The following LRIG1 variants were observed in gnomAD, a reference collection of about 807,000 sequenced individuals.
The protein encoded by LRIG1 is leucine rich repeats and immunoglobulin like domains 1.
In LRIG1, 48 loss-of-function variants were observed where a neutral mutation model predicts 99.2. The ratio of observed to expected loss-of-function variants is 0.48; its 90% CI spans 0.38 to 0.62. LRIG1 has a LOEUF of 0.62. Ranked by LOEUF, LRIG1 falls within the 20% of genes least tolerant of loss-of-function variation. The pLI is 0.00. For missense variants in LRIG1, 1,646 were observed against 1,434.4 expected (o/e 1.15, Z -2.38); for synonymous variants, 772 against 596.1 (o/e 1.29, Z -4.30).
chr3:66,472,653 A>G (rs565228258), intron 1 of LRIG1, among the ~76,000 whole-genome samples: 6 of 152,236 alleles, frequency 3.9e-5, no homozygotes, highest in Admixed American at 6.5e-5. Flanking sequence ...CCTTTCCGGC[A>G]GAAGGTACAA....
intron 1 of LRIG1, among the ~76,000 whole-genome samples, chr3:66,476,994 T>C (rs192118205): frequency 1.3e-5 from 2 of 152,368 alleles, no homozygotes; most frequent in Non-Finnish European, 2.9e-5. Context: ...CAGGCATTCC[T>C]ATCTCTGCTT....
chr3:66,496,032 G>T (rs374301475), intron 1 of LRIG1, among the ~76,000 whole-genome samples: 9 of 152,194 alleles, frequency 5.9e-5, no homozygotes, highest in African/African-American at 1.9e-4. Flanking sequence ...GGGGAGATGG[G>T]ACATGAGGAC....
At chr3:66,423,717 A>G (rs1194108470) in intron 3 of LRIG1, among the ~76,000 whole-genome samples, 1 of 152,232 alleles carries the variant, frequency 6.6e-6, no homozygotes, top group African/African-American at 2.4e-5. Context: ...GGAACATGGC[A>G]CAGCACTGTG....
intron 7 of LRIG1, among the ~76,000 whole-genome samples, chr3:66,408,546 C>T (rs867470496): frequency 6.6e-6 from 1 of 152,074 alleles, no homozygotes; most frequent in Non-Finnish European, 1.5e-5. Flanking sequence ...GAGGGGATCC[C>T]GGACCCCGCA....
chr3:66,384,074 T>G lies in LRIG1; in HGVS notation c.1988A>C (p.Lys663Thr). ...GCTGTAAACCCCTGCGTCATCTATT[T>G]TCACATCAGTGATGAAAAACACGTC... is the stretch of plus-strand genomic sequence containing the variant. ...DDDVFFITDV[K>T]IDDAGVYSCT... is the part of the protein sequence containing the mutation. Residue 663 changes from lysine (K) to threonine (T), a missense_variant, in exon 14 of 19, where the codon AAA becomes ACA. Lys to Thr is a moderately conservative substitution (Grantham distance 78). Transcript: ENST00000273261. 1 of 1,614,150 alleles carries G rather than the reference T, an allele frequency of 6.2e-7. No homozygotes were observed. Among genetic ancestry groups the G allele is most frequent in the South Asian group, 1.1e-5 (1 of 91,074 alleles).
intron 6 of LRIG1, among the ~76,000 whole-genome samples, chr3:66,412,620 GGA>G (rs900606563): frequency 8.5e-5 from 13 of 152,362 alleles, no homozygotes; most frequent in African/African-American, 1.7e-4. Flanking sequence ...GAATCCTTCA[GGA>G]GAGAGGGGCT....
chr3:66,413,066 C>T (rs1446322814), intron 5 of LRIG1, 52 bp from the exon 6 acceptor site: 1 of 1,600,738 alleles, frequency 6.2e-7, no homozygotes, highest in Non-Finnish European at 8.6e-7. Context: ...ATATCCCACC[C>T]ACAACCATTC....
chr3:66,411,445 A>G (rs1368910989), intron 6 of LRIG1, among the ~76,000 whole-genome samples: 4 of 152,230 alleles, frequency 2.6e-5, no homozygotes, highest in African/African-American at 9.6e-5. Flanking sequence ...TTTTAACTTC[A>G]GTCCACCCAG....
At chr3:66,428,398 C>T (rs576184166) in intron 3 of LRIG1, among the ~76,000 whole-genome samples, 23 of 152,178 alleles carry the variant, frequency 1.5e-4, no homozygotes, top group Middle Eastern at 6.8e-3. Context: ...CTGGGGCCAC[C>T]GAACATGGCC....
intron 2 of LRIG1, among the ~76,000 whole-genome samples, chr3:66,459,469 T>A (rs1301036474): frequency 6.6e-6 from 1 of 152,236 alleles, no homozygotes; most frequent in Admixed American, 6.5e-5. Flanking sequence ...GCCTGTTCCC[T>A]TCTTGAGGCT....
chr3:66,454,505 G>A (rs374692499), intron 2 of LRIG1, among the ~76,000 whole-genome samples: 12 of 152,036 alleles, frequency 7.9e-5, no homozygotes, highest in East Asian at 5.8e-4. Context: ...CCCCCTACCC[G>A]CCAATTTACT....
chr3:66,444,652 G>A (rs988410928), intron 3 of LRIG1, among the ~76,000 whole-genome samples: 1 of 152,150 alleles, frequency 6.6e-6, no homozygotes, highest in African/African-American at 2.4e-5. Context: ...CAGACCCGTT[G>A]AACCAAGCCA....
intron 8 of LRIG1, chr3:66,405,736 C>A: frequency 9.0e-7 from 1 of 1,115,918 alleles, no homozygotes. Flanking sequence ...AGGGCCGGCC[C>A]GTGGGCGCCT....
At chr3:66,431,193 A>G (rs757954232) in intron 3 of LRIG1, among the ~76,000 whole-genome samples, 8 of 152,148 alleles carry the variant, frequency 5.3e-5, no homozygotes, top group African/African-American at 1.9e-4. Context: ...ACTTCATTAC[A>G]ATTGTCAGGG....
chr3:66,430,730 G>A (rs1301782540), intron 3 of LRIG1, among the ~76,000 whole-genome samples: 1 of 152,106 alleles, frequency 6.6e-6, no homozygotes, highest in Non-Finnish European at 1.5e-5. Context: ...TGGGCTAAGA[G>A]ATGAAAAACC....
chr3:66,485,169 AAAG>A (rs1267472036), intron 1 of LRIG1, among the ~76,000 whole-genome samples: 3 of 151,930 alleles, frequency 2.0e-5, no homozygotes, highest in African/African-American at 7.2e-5. Flanking sequence ...AAAAAAAAAA[AAAG>A]GAAAAATTAT....
intron 8 of LRIG1, chr3:66,405,644 C>G: frequency 1.1e-6 from 1 of 931,168 alleles, no homozygotes; most frequent in Non-Finnish European, 1.4e-6. Context: ...AGGCTCCCGT[C>G]TGCTCTCATA....
chr3:66,480,163 T>C (rs770627458), intron 1 of LRIG1, among the ~76,000 whole-genome samples: 64 of 152,108 alleles, frequency 4.2e-4, no homozygotes, highest in Admixed American at 6.5e-4. Context: ...CCTGCCATAA[T>C]ATGGACGAAT....
chr3:66,466,623 C>A (rs147057323), intron 1 of LRIG1, among the ~76,000 whole-genome samples: 1 of 152,168 alleles, frequency 6.6e-6, no homozygotes, highest in Admixed American at 6.5e-5. Context: ...TCTGAGATCC[C>A]AAGAACAATC....
Sources: gnomAD v4.1 joint callset for allele counts (sites outside exome capture counted in the v4.1 genomes callset) on GRCh38, gnomAD v4.1.1 for gene constraint, MANE v1.5 for transcripts, NCBI Gene and HGNC (gene_info 2026-07-23, HGNC 2026-07-21) for gene names.